HHLA2: variants seen among roughly 807,000 people sequenced by gnomAD.
HHLA2 encodes the protein HERV-H LTR-associating protein 2.
HHLA2 carries 48 observed loss-of-function variants against 45.9 expected under a neutral mutation model. The observed-to-expected ratio is 1.05, with a 90% CI of 0.83 to 1.33. The LOEUF (loss-of-function observed/expected upper bound fraction) is 1.33. Among genes scored for constraint, HHLA2 ranks in the 40% most tolerant of loss-of-function variants. The pLI, the probability that HHLA2 is intolerant of heterozygous loss-of-function variation, is 0.00. For synonymous variants in HHLA2, 161 were observed against 173.9 expected (o/e 0.93, Z 0.59); for missense variants, 462 against 494.3 (o/e 0.93, Z 0.62).
intron 8 of HHLA2, among the ~76,000 whole-genome samples, chr3:108,366,577 G>A (rs1247148286): frequency 2.0e-5 from 3 of 152,156 alleles, no homozygotes; most frequent in African/African-American, 7.2e-5. Flanking sequence ...TGTACCTCTG[G>A]TAGAATTCGG....
chr3:108,349,684 A>C (rs1161801236), intron 3 of HHLA2, among the ~76,000 whole-genome samples: 1 of 152,212 alleles, frequency 6.6e-6, no homozygotes, highest in East Asian at 1.9e-4. Context: ...TGAGATGCAG[A>C]GTACAGTGAA....
intron 1 of HHLA2, among the ~76,000 whole-genome samples, chr3:108,300,343 G>C (rs2080829618): frequency 6.6e-6 from 1 of 152,168 alleles, no homozygotes; most frequent in African/African-American, 2.4e-5. Context: ...GTATGCCTTT[G>C]TTTCATAGAA....
chr3:108,296,876 A>C (rs1311502278), intron 1 of HHLA2, among the ~76,000 whole-genome samples: 1 of 152,256 alleles, frequency 6.6e-6, no homozygotes, highest in Non-Finnish European at 1.5e-5. Context: ...AGACAGTGAA[A>C]GAGGGATGAG....
intron 7 of HHLA2, among the ~76,000 whole-genome samples, chr3:108,360,814 A>C (rs1055856845): frequency 1.3e-5 from 2 of 152,250 alleles, no homozygotes; most frequent in African/African-American, 4.8e-5. Flanking sequence ...CAGAAAGTTA[A>C]ACCAGGGATA....
At chr3:108,331,085 C>A (rs2081378560) in intron 3 of HHLA2, among the ~76,000 whole-genome samples, 1 of 152,048 alleles carries the variant, frequency 6.6e-6, no homozygotes, top group Non-Finnish European at 1.5e-5. Flanking sequence ...CCTGGGCATC[C>A]CACCCGGTTC....
intron 3 of HHLA2, among the ~76,000 whole-genome samples, chr3:108,347,739 T>C (rs150998300): frequency 3.1e-3 from 467 of 152,158 alleles, no homozygotes; most frequent in Non-Finnish European, 5.1e-3. Flanking sequence ...ATGGTAGAGT[T>C]GGAGAGTAGG....
At chr3:108,316,949 A>G (rs1056657296) in intron 2 of HHLA2, among the ~76,000 whole-genome samples, 1 of 152,206 alleles carries the variant, frequency 6.6e-6, no homozygotes, top group South Asian at 2.1e-4. Context: ...TTTAGAGGTG[A>G]AGCATGACTT....
intron 6 of HHLA2, among the ~76,000 whole-genome samples, chr3:108,355,694 T>C (rs1576162540): frequency 2.0e-5 from 3 of 152,358 alleles, no homozygotes; most frequent in East Asian, 3.9e-4. Flanking sequence ...TTAATGTATT[T>C]GTCAATGGCT....
intron 3 of HHLA2, among the ~76,000 whole-genome samples, chr3:108,333,681 G>C (rs1270493338): frequency 1.3e-5 from 2 of 150,918 alleles, no homozygotes; most frequent in African/African-American, 4.9e-5. Flanking sequence ...AACTTTTTAA[G>C]AGGAAATTTT....
intron 2 of HHLA2, among the ~76,000 whole-genome samples, chr3:108,318,608 T>C (rs190984984): frequency 1.3e-5 from 2 of 152,292 alleles, no homozygotes; most frequent in East Asian, 1.9e-4. Context: ...TTCTTCGTAT[T>C]ATACTAATTC....
intron 8 of HHLA2, among the ~76,000 whole-genome samples, chr3:108,369,538 G>C (rs887676076): frequency 3.3e-5 from 5 of 152,224 alleles, no homozygotes; most frequent in Non-Finnish European, 5.9e-5. Flanking sequence ...GGAAGCACAA[G>C]GGGTCAGGGA....
chr3:108,374,164 AAAT>A (rs1313492693), intron 8 of HHLA2, among the ~76,000 whole-genome samples: 1 of 150,962 alleles, frequency 6.6e-6, no homozygotes, highest in Non-Finnish European at 1.5e-5. Flanking sequence ...GAGCCCTCAG[AAAT>A]AATGCCGCAT....
At chr3:108,306,153 C>T (rs533182370) in intron 1 of HHLA2, among the ~76,000 whole-genome samples, 1 of 152,208 alleles carries the variant, frequency 6.6e-6, no homozygotes, top group Admixed American at 6.5e-5. Flanking sequence ...TCCATTTCCA[C>T]CCTTCCTCTC....
At chr3:108,328,198 T>C in intron 2 of HHLA2, 1 of 657,256 alleles carries the variant, frequency 1.5e-6, no homozygotes, top group South Asian at 2.8e-5. Context: ...CAAAGGGAAT[T>C]TGTTTTTATT....
chr3:108,374,688 T>G (rs1330595206), intron 8 of HHLA2, among the ~76,000 whole-genome samples: 1 of 149,570 alleles, frequency 6.7e-6, no homozygotes, highest in Non-Finnish European at 1.5e-5. Flanking sequence ...CAGACACTTC[T>G]CAAAAGAAGA....
intron 3 of HHLA2, 120 bp from the exon 3 acceptor site, chr3:108,351,668 T>C (rs1009411975): frequency 6.7e-6 from 4 of 597,560 alleles, no homozygotes; most frequent in African/African-American, 5.6e-5. Flanking sequence ...CATTGAACCA[T>C]CCTTTACAAT....
chr3:108,344,359 C>T (rs984042426), intron 3 of HHLA2, among the ~76,000 whole-genome samples: 1 of 152,158 alleles, frequency 6.6e-6, no homozygotes, highest in Non-Finnish European at 1.5e-5. Flanking sequence ...TTGCCATTGT[C>T]TCTCCCACAC....
chr3:108,365,289 C>T (rs1181589836), intron 8 of HHLA2, among the ~76,000 whole-genome samples: 2 of 152,126 alleles, frequency 1.3e-5, no homozygotes, highest in African/African-American at 4.8e-5. Flanking sequence ...TCAGGTTTGT[C>T]AAAGATCGAA....
chr3:108,335,488 G>C (rs975272951), intron 3 of HHLA2, among the ~76,000 whole-genome samples: 6 of 152,148 alleles, frequency 3.9e-5, no homozygotes, highest in African/African-American at 1.4e-4. Flanking sequence ...CCTCCCATTA[G>C]GTAGAATGTT....
Sources: allele counts gnomAD v4.1 joint callset (sites outside exome capture counted in the v4.1 genomes callset), GRCh38; gene constraint gnomAD v4.1.1; transcripts MANE v1.5; gene names NCBI Gene and HGNC (gene_info 2026-07-23, HGNC 2026-07-21).